CLASP2: variants seen among roughly 807,000 people sequenced by gnomAD.
The protein encoded by CLASP2 is cytoplasmic linker associated protein 2.
In CLASP2, 47 loss-of-function variants were observed where a neutral mutation model predicts 194.4. That is an observed-to-expected ratio of 0.24 (90% CI 0.19 to 0.31). The LOEUF (loss-of-function observed/expected upper bound fraction) is 0.31. Ranked by LOEUF, CLASP2 falls within the 10% of genes least tolerant of loss-of-function variation. The pLI is 1.00. For missense variants in CLASP2, 1,445 were observed against 1,823.6 expected (o/e 0.79, Z 3.78); for synonymous variants, 619 against 633.5 (o/e 0.98, Z 0.34).
intron 37 of CLASP2, chr3:33,505,133 T>C (rs765453142): frequency 6.6e-6 from 1 of 152,090 alleles, no homozygotes; most frequent in Admixed American, 6.6e-5. Context: ...TTAAATCTTT[T>C]CAATAGACTC....
At chr3:33,537,935 A>T (rs2057674514) in intron 33 of CLASP2, among the ~76,000 whole-genome samples, 1 of 152,052 alleles carries the variant, frequency 6.6e-6, no homozygotes, top group African/African-American at 2.4e-5. Flanking sequence ...AGGTCAGGAG[A>T]TCGAGACCAT....
intron 8 of CLASP2, chr3:33,644,483 C>A: frequency 2.6e-5 from 10 of 383,356 alleles, no homozygotes; most frequent in Non-Finnish European, 3.9e-5. Flanking sequence ...AAAAAAACCC[C>A]AAAAAACTTC....
At chr3:33,711,475 G>A (rs188761906) in intron 1 of CLASP2, among the ~76,000 whole-genome samples, 1 of 150,684 alleles carries the variant, frequency 6.6e-6, no homozygotes, top group African/African-American at 2.4e-5. Flanking sequence ...GGCCAGGCTG[G>A]TATCAAACTC....
chr3:33,715,302 T>G (rs1255603759), intron 1 of CLASP2, among the ~76,000 whole-genome samples: 1 of 152,238 alleles, frequency 6.6e-6, no homozygotes, highest in Non-Finnish European at 1.5e-5. Flanking sequence ...CACTTTCCCA[T>G]CTTCTGTTAA....
rs2048189726 is a variant in CLASP2 at position 33,506,377 on chromosome 3, C to CAAAAAAAAAAAAAA, written c.4317+4180_4317+4181insTTTTTTTTTTTTTT. Among the ~76,000 whole-genome samples the CAAAAAAAAAAAAAA allele has an allele frequency of 1.6e-3, 101 of 61,864 alleles. 30 individuals are homozygous for CAAAAAAAAAAAAAA. Among genetic ancestry groups the CAAAAAAAAAAAAAA allele is most frequent in the African/African-American group, 5.6e-3 (98 of 17,528 alleles). 40.6% of individuals were successfully genotyped at this position (61,864 alleles called of 152,430 possible). On this transcript the variant is annotated intron_variant, in intron 37 of 38. Transcript: ENST00000682230. ...TGGGTGACAGAGTGAGACTCTGTCT[C>CAAAAAAAAAAAAAA]GAAAAAAAAAAAAAAAAAAAAAAAA... is the stretch of plus-strand genomic sequence containing the variant.
chr3:33,663,504 A>G lies in CLASP2; in HGVS notation c.656T>C (p.Ile219Thr). The G allele has an allele frequency of 6.2e-7, 1 of 1,609,480 alleles. No individual in the cohort carries two copies. The highest frequency in any genetic ancestry group is 1.3e-5 in the African/African-American group (1 of 74,978). Residue 219 changes from isoleucine to threonine, a missense_variant, in exon 7 of 39, where the codon ATA becomes ACA. Transcript: ENST00000682230. ...RGIPPARLEM[I>T]FAKFDEVQSS... ...TTGCACTTCATCAAATTTGGCAAAT[A>G]TCATTTCTAATCTGGGAATAAAGAA...
At chr3:33,518,444 GGTA>G (rs1181501689) in intron 34 of CLASP2, among the ~76,000 whole-genome samples, 14 of 152,276 alleles carry the variant, frequency 9.2e-5, no homozygotes, top group African/African-American at 2.9e-4. Context: ...GATTTCAGCA[GGTA>G]GTGCCCTGGG....
At chr3:33,598,338 C>T (rs1295393637) in intron 18 of CLASP2, among the ~76,000 whole-genome samples, 2 of 152,158 alleles carry the variant, frequency 1.3e-5, no homozygotes, top group Non-Finnish European at 2.9e-5. Context: ...CCCAATCACA[C>T]TCTTCTTAAT....
At chr3:33,698,050 C>CT (rs1010307293) in intron 1 of CLASP2, among the ~76,000 whole-genome samples, 17 of 152,096 alleles carry the variant, frequency 1.1e-4, no homozygotes, top group African/African-American at 4.1e-4. Context: ...ACTGGACACT[C>CT]TTAAGACTAA....
rs954258352 is a variant in CLASP2 at position 33,499,420 on chromosome 3, G to C, written c.4435-703C>G. ...GCTGGAGTGTAGTGGCGCAATCTCA[G>C]CTCACTGCAAGCTCCACCTCCCAGG... On this transcript the variant is annotated intron_variant, in intron 38 of 38. Transcript: ENST00000682230. 2.7e-5 allele frequency among the ~76,000 whole-genome samples: 4 copies of C among 145,834 alleles called. No individual in the cohort carries two copies. In the South Asian group the frequency reaches 6.5e-4, roughly 24 times the overall value.
intron 11 of CLASP2, among the ~76,000 whole-genome samples, chr3:33,620,437 T>C (rs2076924130): frequency 6.6e-6 from 1 of 152,202 alleles, no homozygotes; most frequent in African/African-American, 2.4e-5. Flanking sequence ...ACTGGTTAAT[T>C]TTTATATATT....
chr3:33,510,520 G>GT, intron 37 of CLASP2, 38 bp downstream of exon 37: 2 of 1,579,078 alleles, frequency 1.3e-6, no homozygotes, highest in Non-Finnish European at 1.7e-6. Flanking sequence ...TATCCCAAAT[G>GT]TATCATGGCT....
At chr3:33,566,672 G>A in intron 27 of CLASP2, 60 bp downstream of exon 27, 1 of 425,318 alleles carries the variant, frequency 2.4e-6, no homozygotes, top group East Asian at 7.3e-5. Context: ...TAGAGAAAAA[G>A]GGTTAATTTC....
chr3:33,567,836 C>G (rs902073963), intron 26 of CLASP2, among the ~76,000 whole-genome samples: 2 of 152,072 alleles, frequency 1.3e-5, no homozygotes, highest in Non-Finnish European at 1.5e-5. Context: ...CCAAAAGGTA[C>G]GTCTTGTCTA....
intron 7 of CLASP2, among the ~76,000 whole-genome samples, chr3:33,647,092 T>C (rs2082396411): frequency 6.6e-6 from 1 of 152,208 alleles, no homozygotes; most frequent in African/African-American, 2.4e-5. Context: ...ACATGGGCTG[T>C]TCCAGTATGA....
At chr3:33,622,837 T>C (rs1276267375) in intron 10 of CLASP2, among the ~76,000 whole-genome samples, 1 of 151,982 alleles carries the variant, frequency 6.6e-6, no homozygotes, top group Non-Finnish European at 1.5e-5. Context: ...AGACAGTGTC[T>C]TGCTCTGTTG....
rs1039933957 is a variant in CLASP2, at chr3:33,497,945, A to C, written c.*686T>G. 6.6e-6 allele frequency: 1 copy of C among 152,668 alleles called. No homozygotes were observed. The highest frequency in any genetic ancestry group is 1.5e-5 in the Non-Finnish European group (1 of 68,032). 9.5% of individuals were successfully genotyped at this position (152,668 alleles called of 1,614,324 possible). A position where few individuals can be genotyped will look rare whatever the true frequency, so the allele number is the denominator to read the frequency against. ...TGCAGCTTTCTTAAGGGATCATAGAAGGGACATGGTTTTAAATAAAGATGG... is the reference window on the plus strand; with the variant it reads ...TGCAGCTTTCTTAAGGGATCATAGACGGGACATGGTTTTAAATAAAGATGG... On this transcript the variant is annotated 3_prime_UTR_variant, in exon 39 of 39. Coordinates refer to ENST00000682230, the MANE Select transcript of CLASP2 (RefSeq NM_001365631.1).
intron 27 of CLASP2, 107 bp from the exon 28 acceptor site, chr3:33,561,078 C>T (rs1039038277): frequency 1.2e-5 from 11 of 911,966 alleles, no homozygotes; most frequent in Non-Finnish European, 1.8e-5. Flanking sequence ...AGAGGCACAG[C>T]GATTGGCAGC....
chr3:33,533,931 T>A (rs2154132409), intron 34 of CLASP2, among the ~76,000 whole-genome samples: 1 of 152,286 alleles, frequency 6.6e-6, no homozygotes, highest in African/African-American at 2.4e-5. Flanking sequence ...GTCAGGCTGG[T>A]CTCGAACTCC....
Sources: allele counts gnomAD v4.1 joint callset (sites outside exome capture counted in the v4.1 genomes callset), GRCh38; gene constraint gnomAD v4.1.1; transcripts MANE v1.5; gene names NCBI Gene and HGNC (gene_info 2026-07-23, HGNC 2026-07-21).